S100PBP: variants seen among roughly 807,000 people sequenced by gnomAD.
S100PBP encodes S100P-binding protein.
A neutral mutation model predicts 39.9 loss-of-function variants in S100PBP; 15 were observed. The observed-to-expected ratio is 0.38, with a 90% CI of 0.25 to 0.58. The LOEUF (loss-of-function observed/expected upper bound fraction) is 0.58, where lower values mean the gene tolerates loss of function less well. Ranked by LOEUF, S100PBP falls within the 20% of genes least tolerant of loss-of-function variation. S100PBP has a pLI of 0.70. For synonymous variants in S100PBP, 178 were observed against 180.3 expected, an observed-to-expected ratio of 0.99 and a Z score of 0.10; for missense variants, 504 against 487.3, an observed-to-expected ratio of 1.03 and a Z score of -0.32.
At position 32,853,177 on chromosome 1, in the gene S100PBP, G is replaced by C; in HGVS notation, c.1112+11G>C. The C allele has an allele frequency of 1.3e-6, 2 of 1,592,440 alleles. No homozygotes were observed. Among genetic ancestry groups the C allele is most frequent in the Non-Finnish European group, 8.6e-7 (1 of 1,163,686 alleles). Reference sequence around the variant, plus strand: ...GGACCTCACCACGCGGTGAGTGGGTGATTAGAAGAAGATGGAAAAGGGTAG... The same window carrying C: ...GGACCTCACCACGCGGTGAGTGGGTCATTAGAAGAAGATGGAAAAGGGTAG... On this transcript the variant is annotated intron_variant, in intron 6 of 6. Coordinates refer to ENST00000373475, the MANE Select transcript of S100PBP (RefSeq NM_022753.4).
intron 5 of S100PBP, chr1:32,836,733 G>A (rs545300892): frequency 6.6e-4 from 173 of 261,124 alleles, no homozygotes; most frequent in African/African-American, 3.8e-3. Context: ...TTCCTCTGCT[G>A]CCCTCCTGGG....
intron 5 of S100PBP, among the ~76,000 whole-genome samples, chr1:32,838,524 T>C (rs1639947514): frequency 6.6e-6 from 1 of 151,972 alleles, no homozygotes; most frequent in Non-Finnish European, 1.5e-5. Flanking sequence ...AATATACACA[T>C]AACCATCTTT....
chr1:32,822,315 T>A (rs1639107464), intron 1 of S100PBP, among the ~76,000 whole-genome samples: 2 of 152,104 alleles, frequency 1.3e-5, no homozygotes, highest in Non-Finnish European at 2.9e-5. Flanking sequence ...ATAAGTACTT[T>A]TGAAAATGAG....
chr1:32,839,751 C>T (rs1640003751), intron 5 of S100PBP, among the ~76,000 whole-genome samples: 1 of 152,132 alleles, frequency 6.6e-6, no homozygotes, highest in African/African-American at 2.4e-5. Context: ...CTCAAACTAT[C>T]CTCCCACCCC....
At chr1:32,830,920 GA>G (rs752482491) in intron 5 of S100PBP, among the ~76,000 whole-genome samples, 3 of 149,312 alleles carry the variant, frequency 2.0e-5, no homozygotes, top group Admixed American at 6.7e-5. Flanking sequence ...ATTCTTTTGG[GA>G]AAAAAAAAAT....
chr1:32,822,351 G>A (rs1001325589), intron 1 of S100PBP, among the ~76,000 whole-genome samples: 3 of 152,124 alleles, frequency 2.0e-5, no homozygotes, highest in Non-Finnish European at 2.9e-5. Context: ...GGTGGCTCAC[G>A]CCTGTAATCC....
At chr1:32,829,227 G>A (rs1204387127) in intron 4 of S100PBP, among the ~76,000 whole-genome samples, 1 of 152,156 alleles carries the variant, frequency 6.6e-6, no homozygotes, top group Non-Finnish European at 1.5e-5. Flanking sequence ...CAGTCAGTCA[G>A]TATGAGTATG....
Position 32,830,000 on chromosome 1 carries a change from A to C in S100PBP, c.957A>C (p.Glu319Asp), listed in dbSNP as rs1417178925. 1.2e-6 allele frequency: 2 copies of C among 1,614,092 alleles called. No individual in the cohort carries two copies. The highest frequency in any genetic ancestry group is 4.5e-5 in the East Asian group (2 of 44,876). Residue 319 changes from glutamate (E) to aspartate (D), a missense_variant, in exon 5 of 7, where the codon GAA (glutamate) becomes GAC (aspartate). Physicochemically the swap from Glu to Asp is conservative, Grantham distance 45 (BLOSUM62 2). Coordinates refer to ENST00000373475, the MANE Select transcript of S100PBP (RefSeq NM_022753.4). ...NVPTFSQSNLEQQKQLYLRSV... is the reference protein window; with the variant it reads ...NVPTFSQSNLDQQKQLYLRSV... ...CGACGTTTTCACAGTCAAATCTAGA[A>C]CAGCAGAAGCAGCTTTATCTCAGGA...
At chr1:32,822,496 C>G (rs1226432457) in intron 1 of S100PBP, among the ~76,000 whole-genome samples, 1 of 151,656 alleles carries the variant, frequency 6.6e-6, no homozygotes, top group African/African-American at 2.4e-5. Flanking sequence ...GCCTGCAGTC[C>G]CAGCTACTCG....
At chr1:32,840,121 A>G (rs1284909442) in intron 5 of S100PBP, among the ~76,000 whole-genome samples, 1 of 152,124 alleles carries the variant, frequency 6.6e-6, no homozygotes, top group Non-Finnish European at 1.5e-5. Flanking sequence ...AGTAGCTGGG[A>G]TAACAGGTGT....
Position 32,841,167 on chromosome 1 carries a change from A to T in S100PBP, c.1024+11100A>T, listed in dbSNP as rs192892810. On this transcript the variant is annotated intron_variant, in intron 5 of 6. Coordinates refer to ENST00000373475, the MANE Select transcript of S100PBP (RefSeq NM_022753.4). ...CAGAGCAAGATTCCATCTCAAAAAA[A>T]AAAAAAATAAAAAAAATTGGATTAT... 6.8e-4 allele frequency among the ~76,000 whole-genome samples: 103 copies of T among 151,656 alleles called. 1 individual carries two copies. Among genetic ancestry groups the T allele is most frequent in the Admixed American group, 2.4e-3 (36 of 15,246 alleles).
chr1:32,822,470 A>T (rs2062153), intron 1 of S100PBP, among the ~76,000 whole-genome samples: 1 of 151,740 alleles, frequency 6.6e-6, no homozygotes, highest in East Asian at 1.9e-4. Flanking sequence ...AAAATTAGCC[A>T]GGCGTGGTGG....
chr1:32,828,437 A>G (rs1639437043), intron 4 of S100PBP, among the ~76,000 whole-genome samples: 1 of 152,176 alleles, frequency 6.6e-6, no homozygotes, highest in Non-Finnish European at 1.5e-5. Context: ...CGAAAATGTT[A>G]AAATACAAGT....
In S100PBP at chr1:32,841,211, C is replaced by G. The variant is rs546829187; in HGVS notation, c.1024+11144C>G. Among the ~76,000 whole-genome samples, 29 of 151,212 alleles carry G rather than the reference C, an allele frequency of 1.9e-4. No homozygotes were observed. In the South Asian group the frequency reaches 5.9e-3, roughly 31 times the overall value. On this transcript the variant is annotated intron_variant, in intron 5 of 6. Coordinates refer to ENST00000373475, the MANE Select transcript of S100PBP (RefSeq NM_022753.4). ...GGATTATTTTCTTATTACTGAGTTTCGAGAGTTCTTTAAATACATGTTCCA... is the reference window on the plus strand; with the variant it reads ...GGATTATTTTCTTATTACTGAGTTTGGAGAGTTCTTTAAATACATGTTCCA...
rs1275510400 is a variant in S100PBP at position 32,826,661 on chromosome 1, C to G, written c.562C>G (p.Pro188Ala). The part of the protein sequence containing the change: ...GEEMREDGLS[P>A]NESKLCTESE... ...AGAGATGAGAGAAGATGGTCTTAGCCCAAATGAAAGCAAACTTTGTACTGA... is the reference window on the plus strand; with the variant it reads ...AGAGATGAGAGAAGATGGTCTTAGCGCAAATGAAAGCAAACTTTGTACTGA... Residue 188 changes from proline to alanine, a missense_variant, in exon 3 of 7, where the codon CCA becomes GCA. Coordinates refer to ENST00000373475, the MANE Select transcript of S100PBP (RefSeq NM_022753.4). 1 of 1,614,096 alleles carries G rather than the reference C, an allele frequency of 6.2e-7. No homozygotes were observed. Among genetic ancestry groups the G allele is most frequent in the South Asian group, 1.1e-5 (1 of 91,080 alleles).
At chr1:32,830,716 A>G (rs1347049739) in intron 5 of S100PBP, among the ~76,000 whole-genome samples, 1 of 152,210 alleles carries the variant, frequency 6.6e-6, no homozygotes. Flanking sequence ...AAGAGGTTAG[A>G]GAGGTTTTAT....
intron 5 of S100PBP, among the ~76,000 whole-genome samples, chr1:32,843,566 C>G (rs141793690): frequency 3.2e-4 from 49 of 152,210 alleles, no homozygotes; most frequent in African/African-American, 9.4e-4. Flanking sequence ...AAGCGATTCT[C>G]CTTCAGCCTC....
intron 1 of S100PBP, chr1:32,818,179 T>C (rs2148623387): frequency 6.6e-6 from 1 of 152,412 alleles, no homozygotes; most frequent in South Asian, 2.1e-4. Flanking sequence ...GGTTTGCCCC[T>C]ACTGGGGGAG....
At chr1:32,847,632 A>G (rs553225929) in intron 5 of S100PBP, 1 of 152,320 alleles carries the variant, frequency 6.6e-6, no homozygotes, top group African/African-American at 2.4e-5. Context: ...TGAATTACAT[A>G]ATAACTCCTG....
Sources: gnomAD v4.1 joint callset for allele counts (sites outside exome capture counted in the v4.1 genomes callset) on GRCh38, gnomAD v4.1.1 for gene constraint, MANE v1.5 for transcripts, NCBI Gene and HGNC (gene_info 2026-07-23, HGNC 2026-07-21) for gene names.